KNTC1: variants seen among roughly 807,000 people sequenced by gnomAD.
KNTC1 encodes kinetochore-associated protein 1.
In KNTC1, 253 loss-of-function variants were observed where a neutral mutation model predicts 314.4. The observed-to-expected ratio is 0.80, with a 90% CI of 0.73 to 0.89. The LOEUF (loss-of-function observed/expected upper bound fraction) is 0.89. KNTC1 is among the 40% of genes least tolerant of loss of function. The pLI is 0.00. For missense variants in KNTC1, 2,475 were observed against 2,572.9 expected, an observed-to-expected ratio of 0.96 and a Z score of 0.82; for synonymous variants, 901 against 901.4, an observed-to-expected ratio of 1.00 and a Z score of 0.01.
intron 44 of KNTC1, among the ~76,000 whole-genome samples, chr12:122,601,239 C>G (rs991516314): frequency 1.6e-4 from 25 of 152,082 alleles, no homozygotes; most frequent in African/African-American, 4.8e-4. Flanking sequence ...CCCACCACCA[C>G]GCCCAGCTAA....
intron 5 of KNTC1, among the ~76,000 whole-genome samples, chr12:122,541,805 G>A (rs1962359574): frequency 6.6e-6 from 1 of 151,354 alleles, no homozygotes; most frequent in African/African-American, 2.4e-5. Context: ...CAGATCATGA[G>A]GTCAAGAGAT....
intron 33 of KNTC1, among the ~76,000 whole-genome samples, chr12:122,582,179 G>A (rs1868501061): frequency 6.6e-6 from 1 of 152,158 alleles, no homozygotes; most frequent in African/African-American, 2.4e-5. Context: ...CGCTTTGGGA[G>A]AATGAGGCTA....
intron 16 of KNTC1, among the ~76,000 whole-genome samples, chr12:122,555,963 A>G (rs914704187): frequency 3.3e-5 from 5 of 152,116 alleles, no homozygotes; most frequent in African/African-American, 9.7e-5. Flanking sequence ...TAACATAACT[A>G]TCACCTCACT....
chr12:122,584,250 A>AACTACCAAT, intron 34 of KNTC1, 28 bp from the exon 35 acceptor site: 1 of 1,551,764 alleles, frequency 6.4e-7, no homozygotes, highest in Non-Finnish European at 8.8e-7. Flanking sequence ...TGAGTATTCT[A>AACTACCAAT]ACTACCAATA....
intron 3 of KNTC1, among the ~76,000 whole-genome samples, chr12:122,536,385 G>A (rs979303198): frequency 1.3e-5 from 2 of 151,062 alleles, no homozygotes; most frequent in African/African-American, 2.4e-5. Context: ...CCATCACCAC[G>A]CCCTGCTAAT....
At chr12:122,625,706 T>C (rs1449105911) in intron 63 of KNTC1, among the ~76,000 whole-genome samples, 2 of 152,234 alleles carry the variant, frequency 1.3e-5, no homozygotes, top group African/African-American at 2.4e-5. Context: ...AACATTTTGC[T>C]GTACATTCTT....
Position 122,551,482 on chromosome 12 carries a change from G to A in KNTC1, c.1155G>A (p.Val385=). 6.3e-7 allele frequency: 1 copy of A among 1,594,268 alleles called. No homozygotes were observed. Among genetic ancestry groups the A allele is most frequent in the Non-Finnish European group, 8.6e-7 (1 of 1,169,024 alleles). ...DPKLSEDSVS[V]LVLRCLTEAL... ...GATTGTCTGAAGACTCAGTCTCTGT[G>A]TTAGTACTCAGATGTCTTACGGAAG... Residue 385 remains valine, a synonymous_variant, in exon 15 of 64, where the codon GTG becomes GTA. Coordinates refer to ENST00000333479, the MANE Select transcript of KNTC1 (RefSeq NM_014708.6).
intron 56 of KNTC1, 83 bp downstream of exon 56, chr12:122,615,169 T>C: frequency 1.0e-6 from 1 of 998,508 alleles, no homozygotes; most frequent in Non-Finnish European, 1.5e-6. Context: ...TTGATACTTG[T>C]TATGGAACAG....
At chr12:122,531,072 T>A (rs978780343) in intron 2 of KNTC1, among the ~76,000 whole-genome samples, 2 of 151,852 alleles carry the variant, frequency 1.3e-5, no homozygotes, top group African/African-American at 4.8e-5. Context: ...ATAAAAGAAA[T>A]TTTTTTTCAC....
intron 33 of KNTC1, among the ~76,000 whole-genome samples, chr12:122,582,502 G>A (rs538721201): frequency 6.6e-6 from 1 of 151,926 alleles, no homozygotes; most frequent in Non-Finnish European, 1.5e-5. Flanking sequence ...GAAAAACTAC[G>A]CATCAGGTAC....
chr12:122,537,703 C>T (rs1280523204), intron 3 of KNTC1, among the ~76,000 whole-genome samples: 30 of 151,906 alleles, frequency 2.0e-4, no homozygotes, highest in Admixed American at 2.0e-3. Flanking sequence ...CAGGTGTGAG[C>T]CACCACGCCT....
intron 53 of KNTC1, 178 bp from the exon 54 acceptor site, chr12:122,612,934 T>G: frequency 1.8e-6 from 1 of 568,444 alleles, no homozygotes; most frequent in East Asian, 2.9e-5. Flanking sequence ...GAATGCCCCT[T>G]CAGGGGTCCA....
intron 16 of KNTC1, among the ~76,000 whole-genome samples, chr12:122,555,594 A>G (rs1381787831): frequency 1.3e-5 from 2 of 151,636 alleles, no homozygotes; most frequent in East Asian, 2.0e-4. Flanking sequence ...TCACGCCTGT[A>G]ATCCCAGCAC....
chr12:122,579,938 T>A lies in KNTC1; in HGVS notation c.2875T>A (p.Ser959Thr), dbSNP rs1965293778. 6.2e-7 allele frequency: 1 copy of A among 1,611,292 alleles called. No individual in the cohort carries two copies. Among genetic ancestry groups the A allele is most frequent in the Non-Finnish European group, 8.5e-7 (1 of 1,177,646 alleles). ...CTGGAGAATGTCTGTAGCGAAGACA[T>A]CCGTGGACATTCTTAAGATACTATG... ...KAWRMSVAKTSVDILKILCDI... is the reference protein window; with the variant it reads ...KAWRMSVAKTTVDILKILCDI... Residue 959 changes from serine (S) to threonine (T), a missense_variant, in exon 32 of 64, where the codon TCC (serine) becomes ACC (threonine). By Grantham distance (58) the Ser-to-Thr change is moderately conservative (BLOSUM62 1). Coordinates refer to ENST00000333479, the MANE Select transcript of KNTC1 (RefSeq NM_014708.6).
chr12:122,585,710 T>C lies in KNTC1; in HGVS notation c.3609T>C (p.Val1203=). 1 of 1,613,730 alleles carries C rather than the reference T, an allele frequency of 6.2e-7. No homozygotes were observed. The highest frequency in any genetic ancestry group is 1.6e-4 in the Middle Eastern group (1 of 6,062). Residue 1203 remains valine (V), a synonymous_variant, in exon 37 of 64, where the codon GTT becomes GTC. Coordinates refer to ENST00000333479, the MANE Select transcript of KNTC1 (RefSeq NM_014708.6). ...ACTTCTTCAGTGAAGATGGAATTGT[T>C]CTTGAGTCACAGATGGTGCTTCCAG... ...YSDFFSEDGI[V]LESQMVLPVI...
At chr12:122,537,551 CT>C (rs1430191241) in intron 3 of KNTC1, among the ~76,000 whole-genome samples, 1 of 151,758 alleles carries the variant, frequency 6.6e-6, no homozygotes, top group Non-Finnish European at 1.5e-5. Flanking sequence ...CCTGAGTAGA[CT>C]GGATTACAGG....
chr12:122,552,905 C>T (rs1963300204), intron 16 of KNTC1, among the ~76,000 whole-genome samples: 3 of 152,178 alleles, frequency 2.0e-5, no homozygotes, highest in Middle Eastern at 3.4e-3. Context: ...TTAATTCCAG[C>T]ACTTTGGGAG....
rs745930138 is a variant in KNTC1, at chr12:122,590,641, C to T, written c.4034C>T (p.Ala1345Val). 38 of 1,612,992 alleles carry T rather than the reference C, an allele frequency of 2.4e-5. No homozygotes were observed. The highest frequency in any genetic ancestry group is 3.1e-5 in the Non-Finnish European group (36 of 1,179,448). Reference sequence around the variant, plus strand: ...TGTCGCTTGGTAGATCTTGACCTGGCGTTGGGTTACTGCACTCTCTTACCT... The same window carrying T: ...TGTCGCTTGGTAGATCTTGACCTGGTGTTGGGTTACTGCACTCTCTTACCT... ...FNCRLVDLDL[A>V]LGYCTLLPQK... The change falls in exon 41 of 64, where the codon GCG (alanine) becomes GTG (valine). Residue 1345 changes from alanine (A) to valine (V), a missense_variant. By Grantham distance (64) the Ala-to-Val change is moderately conservative. Transcript: ENST00000333479.
At chr12:122,544,619 A>T (rs922887562) in intron 8 of KNTC1, among the ~76,000 whole-genome samples, 1 of 152,204 alleles carries the variant, frequency 6.6e-6, no homozygotes, top group African/African-American at 2.4e-5. Flanking sequence ...AAATATTTAC[A>T]CACCACTACT....
Sources: gnomAD v4.1 joint callset for allele counts (sites outside exome capture counted in the v4.1 genomes callset) on GRCh38, gnomAD v4.1.1 for gene constraint, MANE v1.5 for transcripts, NCBI Gene and HGNC (gene_info 2026-07-23, HGNC 2026-07-21) for gene names.